Variants in MORN3 observed in about 807,000 individuals in gnomAD.
The protein encoded by MORN3 is MORN repeat-containing protein 3.
MORN3 carries 38 observed loss-of-function variants against 34.7 expected under a neutral mutation model. The observed-to-expected ratio is 1.10, with a 90% CI of 0.85 to 1.44. The LOEUF (loss-of-function observed/expected upper bound fraction) is 1.44. Ranked by LOEUF, MORN3 falls within the 40% of genes most tolerant of loss-of-function variation. The probability of loss-of-function intolerance (pLI) is 0.00; values close to 1 mark genes in which losing one functional copy is unlikely to be tolerated. For missense variants in MORN3, 311 were observed against 321.7 expected, an observed-to-expected ratio of 0.97 and a Z score of 0.25; for synonymous variants, 109 against 115.3, an observed-to-expected ratio of 0.95 and a Z score of 0.35.
At position 121,669,320 on chromosome 12, in the gene MORN3, G is replaced by A. The variant is rs760843872; in HGVS notation, c.145+19C>T. The A allele has an allele frequency of 1.6e-5, 25 of 1,611,786 alleles. No homozygotes were observed. Among genetic ancestry groups the A allele is most frequent in the South Asian group, 4.4e-5 (4 of 91,060 alleles). On this transcript the variant is annotated intron_variant, in intron 1 of 5. Coordinates refer to ENST00000355329, the MANE Select transcript of MORN3 (RefSeq NM_173855.5). Reference sequence around the variant, plus strand: ...GGCTCTGACCCCACTCCGGCCGCCCGTCCCGGAGTCCCACTCACCGTGTTT... The same window carrying A: ...GGCTCTGACCCCACTCCGGCCGCCCATCCCGGAGTCCCACTCACCGTGTTT...
chr12:121,659,074 C>T, intron 2 of MORN3, 117 bp downstream of exon 2: 2 of 1,370,032 alleles, frequency 1.5e-6, no homozygotes, highest in Admixed American at 2.3e-5. Context: ...TGTCCTCCTC[C>T]CTGTAGACCT....
In MORN3 at chr12:121,653,059, G is replaced by T. The variant is rs1032758268; in HGVS notation, c.648+16C>A. On this transcript the variant is annotated intron_variant, in intron 4 of 5. Transcript: ENST00000355329. ...TGTCTGGGTGTGGCCACAGGGCCCT[G>T]GTGAGGGCTGCCCACCTCAGGAATG... 6 of 1,593,658 alleles carry T rather than the reference G, an allele frequency of 3.8e-6. No individual in the cohort carries two copies. In the African/African-American group the frequency reaches 8.1e-5, roughly 21 times the overall value.
rs782763964 is a variant in MORN3 at position 121,654,302 on chromosome 12, C to T, written c.435G>A (p.Lys145=). The T allele has an allele frequency of 1.9e-6, 3 of 1,596,450 alleles. No homozygotes were observed. Among genetic ancestry groups the T allele is most frequent in the South Asian group, 1.1e-5 (1 of 88,180 alleles). ...DIYEGQWEND[K]PNGEGMLRLK... is the part of the protein sequence containing the mutation. Reference sequence around the variant, plus strand: ...GGCGCAGCATGCCCTCCCCGTTGGGCTTGTCGTTCTCCCACTGTCCCTCGT... The same window carrying T: ...GGCGCAGCATGCCCTCCCCGTTGGGTTTGTCGTTCTCCCACTGTCCCTCGT... The change falls in exon 3 of 6, where the codon AAG becomes AAA. Residue 145 remains lysine (K), a synonymous_variant. Coordinates refer to ENST00000355329, the MANE Select transcript of MORN3 (RefSeq NM_173855.5).
At chr12:121,672,629 G>A (rs115759677), upstream of MORN3, 5,806 of 152,426 alleles carry the variant, frequency 0.038, 217 homozygotes, top group African/African-American at 0.095. Flanking sequence ...CGCGCGCCGC[G>A]GGCCCGGCCG....
At position 121,659,272 on chromosome 12, in the gene MORN3, G is replaced by T. The variant is rs1893509627; in HGVS notation, c.222C>A (p.Tyr74Ter). 3.1e-6 allele frequency: 5 copies of T among 1,613,996 alleles called. No individual in the cohort carries two copies. Among genetic ancestry groups the T allele is most frequent in the Non-Finnish European group, 4.2e-6 (5 of 1,179,984 alleles). Residue 74 changes from tyrosine (Y) to a stop codon, truncating the protein, a stop_gained, in exon 2 of 6, where the codon TAC becomes TAA. Coordinates refer to ENST00000355329, the MANE Select transcript of MORN3 (RefSeq NM_173855.5). LOFTEE classifies it high-confidence loss of function. ...GTTGGTCAGGAAGGCTGAGGGTGCC[G>T]TAGCCGTCTCGCTTCCCAAACTTCC... ...GDWKFGKRDG[Y>*]GTLSLPDQQT...
intron 3 of MORN3, 38 bp downstream of exon 3, chr12:121,654,236 G>C: frequency 6.7e-7 from 1 of 1,502,288 alleles, no homozygotes; most frequent in Non-Finnish European, 8.9e-7. Context: ...CCGGGGGCGT[G>C]GTCGGGTGGG....
chr12:121,669,830 ATAT>A (rs796099344), upstream of MORN3, among the ~76,000 whole-genome samples: 937 of 117,844 alleles, frequency 8.0e-3, 21 homozygotes, highest in East Asian at 0.085. Context: ...ATATATATAT[ATAT>A]TTTTTTTTTT....
At chr12:121,660,627 G>C (rs1893554128) in intron 1 of MORN3, among the ~76,000 whole-genome samples, 1 of 149,930 alleles carries the variant, frequency 6.7e-6, no homozygotes, top group African/African-American at 2.5e-5. Context: ...GGGATTGCAG[G>C]CATGAGCCAC....
chr12:121,653,000 C>G, intron 4 of MORN3, 75 bp downstream of exon 4: 1 of 1,507,208 alleles, frequency 6.6e-7, no homozygotes, highest in African/African-American at 1.4e-5. Context: ...GCAGATCTGG[C>G]CTGGGCATGG....
chr12:121,666,870 C>T (rs556583069), intron 1 of MORN3, among the ~76,000 whole-genome samples: 66 of 151,716 alleles, frequency 4.4e-4, no homozygotes, highest in African/African-American at 1.5e-3. Flanking sequence ...CTCCCTGTGT[C>T]ACAGAGTCAA....
rs1893298284 is a variant in MORN3, at chr12:121,653,105, G to A, written c.618C>T (p.Ala206=). 1.2e-6 allele frequency: 2 copies of A among 1,613,506 alleles called. No individual in the cohort carries two copies. The highest frequency in any genetic ancestry group is 1.7e-5 in the Admixed American group (1 of 59,932). The change falls in exon 4 of 6, where the codon GCC becomes GCT. Residue 206 remains alanine, a synonymous_variant. Coordinates refer to ENST00000355329, the MANE Select transcript of MORN3 (RefSeq NM_173855.5). ...GTMIDFGRDE[A]PEPTQFPIPE... The stretch of plus-strand genomic sequence containing the variant: ...GAATGGGGAACTGAGTGGGCTCAGG[G>A]GCCTCGTCACGGCCAAAGTCGATCA...
rs1240429136 is a variant in MORN3 at position 121,649,149 on chromosome 12, A to T, written c.*2502T>A. 6.6e-6 allele frequency: 1 copy of T among 152,106 alleles called. No individual in the cohort carries two copies. Among genetic ancestry groups the T allele is most frequent in the Non-Finnish European group, 1.5e-5 (1 of 68,060 alleles). The allele number at this position is 152,106 out of a possible 1,614,324, so 9.4% of individuals were successfully genotyped here. A position where few individuals can be genotyped will look rare whatever the true frequency, so the allele number is the denominator to read the frequency against. ...TTTTTAGTAGAGACAGGGTTTCACCATGTTGGTCAGGCTGGTCTCGAACTC... is the reference window on the plus strand; with the variant it reads ...TTTTTAGTAGAGACAGGGTTTCACCTTGTTGGTCAGGCTGGTCTCGAACTC... On this transcript the variant is annotated 3_prime_UTR_variant, in exon 6 of 6. Transcript: ENST00000355329.
chr12:121,650,753 C>T lies in MORN3; in HGVS notation c.*898G>A, dbSNP rs1283344855. The T allele has an allele frequency of 6.6e-6, 1 of 152,006 alleles. No homozygotes were observed. Among genetic ancestry groups the T allele is most frequent in the Non-Finnish European group, 1.5e-5 (1 of 68,100 alleles). The allele number at this position is 152,006 out of a possible 1,614,324, so 9.4% of individuals were successfully genotyped here. On this transcript the variant is annotated 3_prime_UTR_variant, in exon 6 of 6. Coordinates refer to ENST00000355329, the MANE Select transcript of MORN3 (RefSeq NM_173855.5). ...GGCTGAGGTAGGAGAATCGCTTGAA[C>T]ATGGGAGGCAGAGGTTGCAGTGAGC...
At chr12:121,669,833 T>TATAATATATA (rs199792815), upstream of MORN3, among the ~76,000 whole-genome samples, 1 of 103,658 alleles carries the variant, frequency 9.6e-6, no homozygotes, top group African/African-American at 4.7e-5. Flanking sequence ...TATATATATA[T>TATAATATATA]TTTTTTTTTT....
chr12:121,668,424 C>T (rs1893840954), intron 1 of MORN3, among the ~76,000 whole-genome samples: 1 of 152,110 alleles, frequency 6.6e-6, no homozygotes, highest in Non-Finnish European at 1.5e-5. Context: ...GCCTGTAATC[C>T]CAGCTACTCT....
intron 1 of MORN3, among the ~76,000 whole-genome samples, chr12:121,662,175 G>A (rs1331710548): frequency 2.0e-5 from 3 of 151,854 alleles, no homozygotes; most frequent in African/African-American, 7.3e-5. Flanking sequence ...TACAAGATTT[G>A]GAGACCTAAG....
intron 1 of MORN3, among the ~76,000 whole-genome samples, chr12:121,668,364 G>A (rs998076650): frequency 1.3e-5 from 2 of 152,098 alleles, no homozygotes; most frequent in African/African-American, 4.8e-5. Flanking sequence ...CCAACACGGA[G>A]AAACCCCGTC....
At chr12:121,663,463 G>T (rs1487843516) in intron 1 of MORN3, among the ~76,000 whole-genome samples, 1 of 152,148 alleles carries the variant, frequency 6.6e-6, no homozygotes, top group Non-Finnish European at 1.5e-5. Flanking sequence ...CTCCCAAAGT[G>T]CTGGGATTAC....
rs1255514994 is a variant in MORN3, at chr12:121,648,876, A to C, written c.*2775T>G. 2 of 151,984 alleles carry C rather than the reference A, an allele frequency of 1.3e-5. No homozygotes were observed. The highest frequency in any genetic ancestry group is 2.9e-5 in the Non-Finnish European group (2 of 68,022). 9.4% of individuals were successfully genotyped at this position (151,984 alleles called of 1,614,324 possible). ...CTCCCCAGAGACAACCATCTTTGCC[A>C]GTTTATTGTGTTTAAATCTAGCGAC... is the stretch of plus-strand genomic sequence containing the variant. On this transcript the variant is annotated 3_prime_UTR_variant, in exon 6 of 6. Transcript: ENST00000355329.
Sources: allele counts gnomAD v4.1 joint callset (sites outside exome capture counted in the v4.1 genomes callset), GRCh38; gene constraint gnomAD v4.1.1; transcripts MANE v1.5; gene names NCBI Gene and HGNC (gene_info 2026-07-23, HGNC 2026-07-21).